GALNT13: variants seen among roughly 807,000 people sequenced by gnomAD.
GALNT13 encodes the protein polypeptide N-acetylgalactosaminyltransferase 13.
In GALNT13, 28 loss-of-function variants were observed where a neutral mutation model predicts 64.2. The ratio of observed to expected loss-of-function variants is 0.44; its 90% CI spans 0.32 to 0.60. The LOEUF is 0.60. Ranked by LOEUF, GALNT13 falls within the 20% of genes least tolerant of loss-of-function variation. The pLI is 0.05. For missense variants in GALNT13, 577 were observed against 669.8 expected (o/e 0.86, Z 1.53); for synonymous variants, 214 against 224.6 (o/e 0.95, Z 0.42).
chr2:153,963,711 G>GTCTCTC (rs71396373), intron 3 of GALNT13, among the ~76,000 whole-genome samples: 11 of 127,124 alleles, frequency 8.7e-5, no homozygotes, highest in East Asian at 2.8e-4. Flanking sequence ...CTGTCTCTCC[G>GTCTCTC]TCTCTCTCTC....
chr2:153,935,984 A>T (rs1558862492), intron 2 of GALNT13, among the ~76,000 whole-genome samples: 1 of 152,194 alleles, frequency 6.6e-6, no homozygotes, highest in Non-Finnish European at 1.5e-5. Context: ...GAAAGTATTA[A>T]ATGCAAGTGG....
chr2:153,964,876 T>C (rs953631223), intron 3 of GALNT13, among the ~76,000 whole-genome samples: 1 of 152,118 alleles, frequency 6.6e-6, no homozygotes, highest in East Asian at 1.9e-4. Flanking sequence ...TTTAAAAATA[T>C]GGTTTTAATG....
At chr2:154,342,918 A>G (rs780738870) in intron 9 of GALNT13, among the ~76,000 whole-genome samples, 6 of 151,752 alleles carry the variant, frequency 4.0e-5, no homozygotes, top group East Asian at 1.9e-4. Flanking sequence ...TCACTGTTTC[A>G]TTTGCCTGAG....
intron 3 of GALNT13, among the ~76,000 whole-genome samples, chr2:153,988,998 C>T (rs1694991155): frequency 2.6e-5 from 4 of 151,810 alleles, no homozygotes; most frequent in Admixed American, 2.6e-4. Context: ...TTAATCTCAG[C>T]CATGCCACAT....
chr2:153,522,828 C>G, the GALNT13 span, among the ~76,000 whole-genome samples: 1 of 152,010 alleles, frequency 6.6e-6, no homozygotes, highest in South Asian at 2.1e-4. Context: ...TTCATAGTGT[C>G]TTTTGCAGAA....
At chr2:154,199,073 G>A (rs1372361671) in intron 4 of GALNT13, among the ~76,000 whole-genome samples, 1 of 151,892 alleles carries the variant, frequency 6.6e-6, no homozygotes, top group Admixed American at 6.6e-5. Flanking sequence ...TGGACTCAGG[G>A]TGGGGAACTT....
chr2:153,486,785 T>C, the GALNT13 span, among the ~76,000 whole-genome samples: 1 of 152,190 alleles, frequency 6.6e-6, no homozygotes, highest in African/African-American at 2.4e-5. Context: ...CTCCACAGAA[T>C]TTTTGTCATT....
the GALNT13 span, among the ~76,000 whole-genome samples, chr2:153,415,618 A>G: frequency 6.6e-6 from 1 of 152,212 alleles, no homozygotes; most frequent in East Asian, 1.9e-4. Context: ...TGAACAACAC[A>G]CAATGATATG....
the GALNT13 span, among the ~76,000 whole-genome samples, chr2:153,140,904 T>C: frequency 6.6e-6 from 1 of 151,992 alleles, no homozygotes; most frequent in African/African-American, 2.4e-5. Context: ...TTTAAAGTGT[T>C]TAATTCAACA....
intron 1 of GALNT13, among the ~76,000 whole-genome samples, chr2:153,877,458 T>C (rs1215392104): frequency 1.3e-5 from 2 of 152,210 alleles, no homozygotes; most frequent in East Asian, 3.9e-4. Flanking sequence ...CATAGCACAA[T>C]CAAAAATCAT....
intron 9 of GALNT13, among the ~76,000 whole-genome samples, chr2:154,323,412 G>T (rs1298802924): frequency 1.3e-5 from 2 of 151,884 alleles, no homozygotes; most frequent in Non-Finnish European, 2.9e-5. Flanking sequence ...TTAACATTTT[G>T]GTCCCTAAAT....
At chr2:154,218,611 T>C (rs762299535) in intron 4 of GALNT13, among the ~76,000 whole-genome samples, 1 of 152,118 alleles carries the variant, frequency 6.6e-6, no homozygotes, top group Non-Finnish European at 1.5e-5. Context: ...GGCCTCCATG[T>C]TGGGAAATCC....
In GALNT13 at chr2:154,396,070, G is replaced by A; in HGVS notation, c.1236G>A (p.Trp412Ter). The stretch of plus-strand genomic sequence containing the variant: ...ATCTGAAGTGTAAGCCCTTTTCTTG[G>A]TACCTAGAAAACATCTATCCGGACT... ...RENLKCKPFSWYLENIYPDSQ... is the reference protein window; with the variant it reads ...RENLKCKPFS The change falls in exon 10 of 13, where the codon TGG (tryptophan) becomes TGA (stop). Residue 412 changes from tryptophan (W) to a stop codon, truncating the protein, a stop_gained. Coordinates refer to ENST00000392825, the MANE Select transcript of GALNT13 (RefSeq NM_052917.4). LOFTEE classifies it high-confidence loss of function. 6.2e-7 allele frequency: 1 copy of A among 1,611,104 alleles called. No individual in the cohort carries two copies. Among genetic ancestry groups the A allele is most frequent in the Admixed American group, 1.7e-5 (1 of 59,678 alleles).
chr2:153,478,847 G>A, the GALNT13 span: 1 of 397,710 alleles, frequency 2.5e-6, no homozygotes, highest in Non-Finnish European at 4.6e-6. Context: ...GGCTGGACCA[G>A]CCCGGCCGTG....
intron 8 of GALNT13, among the ~76,000 whole-genome samples, chr2:154,284,758 G>A (rs922188471): frequency 6.6e-6 from 1 of 152,078 alleles, no homozygotes; most frequent in Non-Finnish European, 1.5e-5. Context: ...AGCTTATTGA[G>A]GAACCATCAA....
intron 4 of GALNT13, among the ~76,000 whole-genome samples, chr2:154,221,650 C>T (rs1413400214): frequency 1.3e-5 from 2 of 152,034 alleles, no homozygotes; most frequent in East Asian, 3.9e-4. Flanking sequence ...CCAAAGACAA[C>T]TTGTTCCTTT....
chr2:153,558,628 G>A, the GALNT13 span, among the ~76,000 whole-genome samples: 1 of 151,380 alleles, frequency 6.6e-6, no homozygotes, highest in Non-Finnish European at 1.5e-5. Flanking sequence ...AACCAATAAT[G>A]CTGAGACAGG....
the GALNT13 span, among the ~76,000 whole-genome samples, chr2:153,704,618 G>GT: frequency 6.6e-6 from 1 of 152,136 alleles, no homozygotes; most frequent in Non-Finnish European, 1.5e-5. Context: ...GAGTGTGCAT[G>GT]TGATTTTAGA....
intron 9 of GALNT13, among the ~76,000 whole-genome samples, chr2:154,389,353 G>A (rs1178523719): frequency 6.6e-6 from 1 of 152,146 alleles, no homozygotes; most frequent in Non-Finnish European, 1.5e-5. Context: ...TGGCCACGCT[G>A]GTGTTGAACT....
Sources: allele counts gnomAD v4.1 joint callset (sites outside exome capture counted in the v4.1 genomes callset), GRCh38; gene constraint gnomAD v4.1.1; transcripts MANE v1.5; gene names NCBI Gene and HGNC (gene_info 2026-07-23, HGNC 2026-07-21).